The following JAKMIP3 variants were observed in gnomAD, a reference collection of about 807,000 sequenced individuals.
JAKMIP3 encodes the protein janus kinase and microtubule-interacting protein 3.
JAKMIP3 carries 58 observed loss-of-function variants against 118.5 expected under a neutral mutation model. The ratio of observed to expected loss-of-function variants is 0.49; its 90% CI spans 0.40 to 0.61. The LOEUF is 0.61. Ranked by LOEUF, JAKMIP3 falls within the 20% of genes least tolerant of loss-of-function variation. The pLI, the probability that JAKMIP3 is intolerant of heterozygous loss-of-function variation, is 0.00. For synonymous variants in JAKMIP3, 486 were observed against 451.2 expected (o/e 1.08, Z -0.98); for missense variants, 950 against 1,109.0 (o/e 0.86, Z 2.04).
chr10:132,132,696 G>C (rs950566107), intron 3 of JAKMIP3, among the ~76,000 whole-genome samples: 3 of 152,198 alleles, frequency 2.0e-5, no homozygotes, highest in South Asian at 4.1e-4. Flanking sequence ...ACAGCTGTGC[G>C]GGGCCCCAGC....
chr10:132,168,051 C>T lies in JAKMIP3; in HGVS notation c.*121C>T, dbSNP rs1036236333. 21 of 1,289,624 alleles carry T rather than the reference C, an allele frequency of 1.6e-5. No individual in the cohort carries two copies. Among genetic ancestry groups the T allele is most frequent in the Non-Finnish European group, 2.1e-5 (21 of 988,840 alleles). 79.9% of individuals were successfully genotyped at this position (1,289,624 alleles called of 1,614,324 possible). A position where few individuals can be genotyped will look rare whatever the true frequency, so the allele number is the denominator to read the frequency against. ...TCCTGAAGACCCAGGGAGATTTGGT[C>T]TCTGCACGCCCGTCCCGTGGAGGAA... On this transcript the variant is annotated 3_prime_UTR_variant, in exon 23 of 24. Coordinates refer to ENST00000684848, the MANE Select transcript of JAKMIP3 (RefSeq NM_001323087.2).
At chr10:132,119,304 T>C (rs1564921462) in intron 3 of JAKMIP3, among the ~76,000 whole-genome samples, 1 of 152,210 alleles carries the variant, frequency 6.6e-6, no homozygotes, top group Non-Finnish European at 1.5e-5. Context: ...CGTGTTATGA[T>C]CTAAGGTCTT....
intron 1 of JAKMIP3, among the ~76,000 whole-genome samples, chr10:132,067,381 A>T (rs2038955379): frequency 6.6e-6 from 1 of 152,012 alleles, no homozygotes; most frequent in South Asian, 2.1e-4. Context: ...GGCAGAGAAC[A>T]TGCACGGAGC....
intron 19 of JAKMIP3, among the ~76,000 whole-genome samples, chr10:132,159,595 C>T (rs1467039740): frequency 1.3e-5 from 1 of 75,254 alleles, no homozygotes; most frequent in African/African-American, 4.8e-5. Context: ...ATGCTGGGGG[C>T]ATGTCTTCCT....
chr10:132,173,795 G>A (rs1366360805), intron 23 of JAKMIP3, among the ~76,000 whole-genome samples: 9 of 25,390 alleles, frequency 3.5e-4, no homozygotes, highest in Admixed American at 3.5e-4. Context: ...TGTTAGTGGT[G>A]GTGTGTGGTG....
At chr10:132,092,377 C>T (rs1055042353) in intron 1 of JAKMIP3, among the ~76,000 whole-genome samples, 3 of 152,206 alleles carry the variant, frequency 2.0e-5, no homozygotes, top group Non-Finnish European at 4.4e-5. Flanking sequence ...AACTTGGTTC[C>T]ATTCTCCCCA....
chr10:132,166,092 G>C (rs543485734), intron 21 of JAKMIP3, among the ~76,000 whole-genome samples: 5 of 152,362 alleles, frequency 3.3e-5, no homozygotes, highest in African/African-American at 7.2e-5. Flanking sequence ...AGGAGGCCTA[G>C]ATGGGAGGAT....
intron 3 of JAKMIP3, among the ~76,000 whole-genome samples, chr10:132,126,170 G>C (rs145216345): frequency 5.3e-4 from 81 of 152,192 alleles, no homozygotes; most frequent in Admixed American, 1.0e-3. Context: ...GAGAAGTGTT[G>C]AGAGTGACCA....
chr10:132,060,327 C>T (rs150710971), upstream of JAKMIP3, among the ~76,000 whole-genome samples: 6 of 152,134 alleles, frequency 3.9e-5, no homozygotes, highest in African/African-American at 7.2e-5. Context: ...TTCTGGTGGG[C>T]GGGGCAGTCA....
At chr10:132,099,404 T>C (rs10781556) in intron 1 of JAKMIP3, among the ~76,000 whole-genome samples, 8,073 of 152,202 alleles carry the variant, frequency 0.053, 461 homozygotes, top group East Asian at 0.16. Flanking sequence ...AGTTGTTTTA[T>C]TACCTCCTCA....
chr10:132,117,344 C>A lies in JAKMIP3; in HGVS notation c.403C>A (p.Leu135Met), dbSNP rs772009063. ...DGGPEKVKTV[L>M]LSEAKEEAKK... The stretch of plus-strand genomic sequence containing the variant: ...CGGCCCCGAAAAGGTCAAGACCGTG[C>A]TGCTGTCCGAGGCCAAGGAGGAGGC... Residue 135 changes from leucine to methionine, a missense_variant, in exon 3 of 24, where the codon CTG becomes ATG. By Grantham distance (15) the Leu-to-Met change is conservative (BLOSUM62 2). Coordinates refer to ENST00000684848, the MANE Select transcript of JAKMIP3 (RefSeq NM_001323087.2). This position sits in a 1 kb window ranked among gnomAD's most constrained non-coding sequence, Gnocchi z 8.6. 4.3e-6 allele frequency: 7 copies of A among 1,613,858 alleles called. No individual in the cohort carries two copies. In the African/African-American group the frequency reaches 8.0e-5, roughly 18 times the overall value.
chr10:132,106,839 G>A (rs911681252), intron 2 of JAKMIP3, among the ~76,000 whole-genome samples: 1 of 152,190 alleles, frequency 6.6e-6, no homozygotes, highest in Non-Finnish European at 1.5e-5. Context: ...CTTGTCAAGA[G>A]CCCAGTGAGA....
At chr10:132,097,003 A>G (rs910212691) in intron 1 of JAKMIP3, among the ~76,000 whole-genome samples, 1 of 152,248 alleles carries the variant, frequency 6.6e-6, no homozygotes, top group African/African-American at 2.4e-5. Flanking sequence ...ATGGATGTGC[A>G]GATGGCCAAG....
chr10:132,170,168 C>A (rs1447192870), intron 23 of JAKMIP3: 1 of 152,230 alleles, frequency 6.6e-6, no homozygotes, highest in Non-Finnish European at 1.5e-5. Flanking sequence ...GCTGCCGAGT[C>A]CCCAGAGACT....
At chr10:132,180,683 G>A (rs1319382802) in intron 23 of JAKMIP3, among the ~76,000 whole-genome samples, 1 of 24,202 alleles carries the variant, frequency 4.1e-5, no homozygotes, top group African/African-American at 1.4e-4. Context: ...GTGCGCGCGC[G>A]TGTGTGTGCG....
chr10:132,087,290 G>T (rs528802745), intron 1 of JAKMIP3, among the ~76,000 whole-genome samples: 116 of 152,256 alleles, frequency 7.6e-4, no homozygotes, highest in African/African-American at 2.5e-3. Flanking sequence ...TAGCTCTTAA[G>T]ATTCTTTTCT....
At chr10:132,123,274 TGA>T (rs1483142289) in intron 3 of JAKMIP3, among the ~76,000 whole-genome samples, 13 of 152,190 alleles carry the variant, frequency 8.5e-5, no homozygotes, top group African/African-American at 3.1e-4. Flanking sequence ...TCACAGAGCC[TGA>T]GAGAGCCGTC....
At chr10:132,138,491 G>A (rs1177922810) in intron 9 of JAKMIP3, among the ~76,000 whole-genome samples, 1 of 152,248 alleles carries the variant, frequency 6.6e-6, no homozygotes, top group Admixed American at 6.5e-5. Context: ...GCTGGTGTGT[G>A]TGGAGAGCGT....
intron 3 of JAKMIP3, among the ~76,000 whole-genome samples, chr10:132,131,407 G>A (rs1373776867): frequency 6.6e-6 from 1 of 151,392 alleles, no homozygotes; most frequent in Non-Finnish European, 1.5e-5. Context: ...AGGGGAGATG[G>A]GAGCTTATGG....
Sources: gnomAD v4.1 joint callset for allele counts (sites outside exome capture counted in the v4.1 genomes callset) on GRCh38, gnomAD v4.1.1 for gene constraint, Gnocchi (gnomAD v3.1) non-coding constraint, MANE v1.5 for transcripts, NCBI Gene and HGNC (gene_info 2026-07-23, HGNC 2026-07-21) for gene names.